The following USP44 variants were observed in gnomAD, a reference collection of about 807,000 sequenced individuals.
USP44 encodes the protein ubiquitin specific peptidase 44.
A neutral mutation model predicts 69.0 loss-of-function variants in USP44; 61 were observed. The ratio of observed to expected loss-of-function variants is 0.88; its 90% CI spans 0.72 to 1.09. The LOEUF (loss-of-function observed/expected upper bound fraction) is 1.09, where lower values mean the gene tolerates loss of function less well. USP44 is among the 50% of genes least tolerant of loss of function. The pLI, the probability that USP44 is intolerant of heterozygous loss-of-function variation, is 0.00. For synonymous variants in USP44, 297 were observed against 295.4 expected, an observed-to-expected ratio of 1.01 and a Z score of -0.06; for missense variants, 753 against 849.9, an observed-to-expected ratio of 0.89 and a Z score of 1.42.
At chr12:95,526,676 T>C (rs2076846209) in intron 3 of USP44, among the ~76,000 whole-genome samples, 1 of 152,236 alleles carries the variant, frequency 6.6e-6, no homozygotes, top group Non-Finnish European at 1.5e-5. Flanking sequence ...AAACCATCAA[T>C]TGATATAACA....
At position 95,548,171 on chromosome 12, in the gene USP44, A is replaced by G. The variant is rs1311788509; in HGVS notation, c.-71+3101T>C. 1 of 152,178 alleles carries G rather than the reference A, an allele frequency of 6.6e-6. No individual in the cohort carries two copies. Among genetic ancestry groups the G allele is most frequent in the Non-Finnish European group, 1.5e-5 (1 of 68,064 alleles). 9.4% of individuals were successfully genotyped at this position (152,178 alleles called of 1,614,324 possible). A position where few individuals can be genotyped will look rare whatever the true frequency, so the allele number is the denominator to read the frequency against. On this transcript the variant is annotated intron_variant, in intron 1 of 5. Transcript: ENST00000258499. This position sits in a 1 kb window ranked among gnomAD's most constrained non-coding sequence, Gnocchi z 4.1. Reference sequence around the variant, plus strand: ...GCAGCGCGGGGACCGATCGATGGAGAGAAGGCGGGCAAGACGCCGGGAAGC... The same window carrying G: ...GCAGCGCGGGGACCGATCGATGGAGGGAAGGCGGGCAAGACGCCGGGAAGC...
chr12:95,523,695 A>AAAAAAAAAAAG (rs1326528035), intron 4 of USP44, among the ~76,000 whole-genome samples: 3 of 151,496 alleles, frequency 2.0e-5, no homozygotes, highest in Non-Finnish European at 4.4e-5. Context: ...CTACCAAAAA[A>AAAAAAAAAAAG]AAAAAAAAAA....
chr12:95,544,390 C>T (rs1179659170), intron 1 of USP44, among the ~76,000 whole-genome samples: 4 of 152,056 alleles, frequency 2.6e-5, no homozygotes, highest in African/African-American at 9.7e-5. Flanking sequence ...AACTTTTCAG[C>T]CAGCCACTCT....
chr12:95,527,710 C>T (rs1191000736), intron 3 of USP44, among the ~76,000 whole-genome samples: 4 of 152,140 alleles, frequency 2.6e-5, no homozygotes, highest in Admixed American at 2.6e-4. Flanking sequence ...GTCTTGAACT[C>T]CTGACCTCAA....
chr12:95,529,560 C>T (rs2076955887), intron 2 of USP44, among the ~76,000 whole-genome samples: 1 of 152,120 alleles, frequency 6.6e-6, no homozygotes, highest in Non-Finnish European at 1.5e-5. Flanking sequence ...AGTAGCTGGA[C>T]TACAGGTGCC....
chr12:95,544,001 A>G (rs2077486871), intron 1 of USP44, among the ~76,000 whole-genome samples: 1 of 147,360 alleles, frequency 6.8e-6, no homozygotes, highest in Non-Finnish European at 1.5e-5. Flanking sequence ...AAAAAAACCC[A>G]AAACAAAACA....
At chr12:95,525,282 G>A (rs565237178) in intron 3 of USP44, among the ~76,000 whole-genome samples, 100 of 152,242 alleles carry the variant, frequency 6.6e-4, no homozygotes, top group African/African-American at 2.0e-3. Context: ...ATGTTGGCCA[G>A]GCTGGTCTCG....
chr12:95,539,581 G>A (rs1211491101), intron 1 of USP44, among the ~76,000 whole-genome samples: 1 of 152,144 alleles, frequency 6.6e-6, no homozygotes, highest in Non-Finnish European at 1.5e-5. Context: ...AAAGACAGAT[G>A]TATTTACAAA....
chr12:95,542,482 T>C (rs904344473), intron 1 of USP44, among the ~76,000 whole-genome samples: 2 of 152,140 alleles, frequency 1.3e-5, no homozygotes, highest in Non-Finnish European at 2.9e-5. Flanking sequence ...AGGTTGAAAG[T>C]AGGCCAGGCA....
At chr12:95,519,306 G>C (rs1045707853) in intron 5 of USP44, among the ~76,000 whole-genome samples, 2 of 151,870 alleles carry the variant, frequency 1.3e-5, no homozygotes, top group South Asian at 4.1e-4. Context: ...TGTATATGAA[G>C]CAAATGAATT....
chr12:95,540,783 G>A (rs1226887898), intron 1 of USP44, among the ~76,000 whole-genome samples: 2 of 152,064 alleles, frequency 1.3e-5, no homozygotes, highest in East Asian at 3.8e-4. Context: ...CCTCCAAACT[G>A]GTCTCCCATC....
upstream of USP44, chr12:95,551,630 T>C (rs567267903): frequency 2.6e-5 from 4 of 152,468 alleles, no homozygotes; most frequent in South Asian, 6.2e-4. Flanking sequence ...CTTGCTCCCT[T>C]TCTATACCTC....
chr12:95,544,823 ATATT>A (rs2077521187), intron 1 of USP44, among the ~76,000 whole-genome samples: 1 of 152,204 alleles, frequency 6.6e-6, no homozygotes. Context: ...GCCATAGCTC[ATATT>A]TAGTCAAATA....
chr12:95,540,015 CT>C (rs1357217336), intron 1 of USP44, among the ~76,000 whole-genome samples: 1 of 152,182 alleles, frequency 6.6e-6, no homozygotes, highest in Non-Finnish European at 1.5e-5. Context: ...CCTTTGTAAC[CT>C]ACAACCCACA....
At chr12:95,519,900 C>T (rs145282063) in intron 5 of USP44, among the ~76,000 whole-genome samples, 4,190 of 142,486 alleles carry the variant, frequency 0.029, 132 homozygotes, top group Non-Finnish European at 0.036. Context: ...ATTAGCCAGG[C>T]GTGGTGGTGC....
intron 1 of USP44, among the ~76,000 whole-genome samples, chr12:95,542,160 C>A (rs1183043181): frequency 1.3e-5 from 2 of 152,160 alleles, no homozygotes; most frequent in Non-Finnish European, 2.9e-5. Context: ...GGATTATAGG[C>A]ATGAGACACT....
chr12:95,542,855 G>A (rs1328809089), intron 1 of USP44, among the ~76,000 whole-genome samples: 3 of 152,036 alleles, frequency 2.0e-5, no homozygotes, highest in Non-Finnish European at 4.4e-5. Flanking sequence ...TTGGGAGGCT[G>A]AGGCAGGTGG....
intron 3 of USP44, among the ~76,000 whole-genome samples, chr12:95,526,683 A>C (rs1248608367): frequency 2.6e-5 from 4 of 152,216 alleles, no homozygotes; most frequent in Non-Finnish European, 5.9e-5. Context: ...CAATTGATAT[A>C]ACATTTCTTC....
chr12:95,550,278 G>A lies in USP44; in HGVS notation c.-71+994C>T, dbSNP rs2077702640. ...TAGCAACAATGTCTAATCAATTCAT[G>A]TTTGAAAAAAATACCAAATATGTAC... On this transcript the variant is annotated intron_variant, in intron 1 of 5. Transcript: ENST00000258499. 3.3e-5 allele frequency among the ~76,000 whole-genome samples: 5 copies of A among 150,732 alleles called. No homozygotes were observed. The South Asian group carries it at 1.1e-3, about 32-fold the overall frequency.
Sources: gnomAD v4.1 joint callset for allele counts (sites outside exome capture counted in the v4.1 genomes callset) on GRCh38, gnomAD v4.1.1 for gene constraint, Gnocchi (gnomAD v3.1) non-coding constraint, MANE v1.5 for transcripts, NCBI Gene and HGNC (gene_info 2026-07-23, HGNC 2026-07-21) for gene names.